Variants in CLCN5 observed in about 807,000 individuals in gnomAD.
The protein encoded by CLCN5 is H(+)/Cl(-) exchange transporter 5.
Under a neutral mutation model 54.0 loss-of-function variants are expected in CLCN5, and 17 were observed. The observed-to-expected ratio is 0.31, with a 90% CI of 0.22 to 0.47. The LOEUF is 0.47. Ranked by LOEUF, CLCN5 falls within the 20% of genes least tolerant of loss-of-function variation. The probability of loss-of-function intolerance (pLI) is 1.00; values close to 1 mark genes in which losing one functional copy is unlikely to be tolerated. For synonymous variants in CLCN5, 222 were observed against 233.0 expected, an observed-to-expected ratio of 0.95 and a Z score of 0.43; for missense variants, 448 against 646.7, an observed-to-expected ratio of 0.69 and a Z score of 3.33.
Position 50,085,971 on chromosome X carries a change from G to C in CLCN5, c.934-9G>C. 8.4e-7 allele frequency: 1 copy of C among 1,197,157 alleles called. No individual in the cohort carries two copies. The highest frequency in any genetic ancestry group is 1.1e-6 in the Non-Finnish European group (1 of 882,172). On this transcript the variant is annotated splice_polypyrimidine_tract_variant and intron_variant, in intron 9 of 14. Coordinates refer to ENST00000376091, the MANE Select transcript of CLCN5 (RefSeq NM_001127898.4). Reference sequence around the variant, plus strand: ...TATTCTGTCACTAATTCTGAGTTTTGGATTTTAGGTCTTGTCGGCTGCAGC... The same window carrying C: ...TATTCTGTCACTAATTCTGAGTTTTCGATTTTAGGTCTTGTCGGCTGCAGC...
chrX:49,960,571 G>A (rs1185574014), intron 3 of CLCN5, among the ~76,000 whole-genome samples: 1 of 108,655 alleles, frequency 9.2e-6, no homozygotes, highest in Non-Finnish European at 1.9e-5. Flanking sequence ...AGAGCCCATT[G>A]GTCACAAACT....
intron 3 of CLCN5, among the ~76,000 whole-genome samples, chrX:49,955,129 A>G (rs782452893): frequency 1.2e-3 from 136 of 111,670 alleles, no homozygotes; most frequent in African/African-American, 4.3e-3. Context: ...AAATAAGAGA[A>G]TCCTACCCAC....
rs1934306268 is a variant in CLCN5 at position 50,097,714 on chromosome X, G to A, written c.*5495G>A. 9.0e-6 allele frequency: 1 copy of A among 111,188 alleles called. No homozygotes were observed. Among genetic ancestry groups the A allele is most frequent in the East Asian group, 2.8e-4 (1 of 3,542 alleles). The allele number at this position is 111,188 out of a possible 1,213,427, so 9.2% of individuals were successfully genotyped here. A position where few individuals can be genotyped will look rare whatever the true frequency, so the allele number is the denominator to read the frequency against. On this transcript the variant is annotated 3_prime_UTR_variant, in exon 15 of 15. Transcript: ENST00000376091. The stretch of plus-strand genomic sequence containing the variant: ...GAATGTGGACTTTGTGGGAGGGAGA[G>A]GATTGTTCTGAGAACAGAAACTGGA...
At chrX:50,063,037 A>G (rs1255578812) in intron 4 of CLCN5, among the ~76,000 whole-genome samples, 3 of 110,718 alleles carry the variant, frequency 2.7e-5, no homozygotes, top group Admixed American at 1.9e-4. Flanking sequence ...ATAGCACTAA[A>G]TGCGCACAAG....
At chrX:50,044,011 C>G (rs1349224427) in intron 4 of CLCN5, among the ~76,000 whole-genome samples, 2 of 111,657 alleles carry the variant, frequency 1.8e-5, no homozygotes, top group Non-Finnish European at 3.8e-5. Context: ...TGGGAATTAG[C>G]AAGGCTTGAA....
At chrX:49,926,439 A>G (rs1358379806) in intron 3 of CLCN5, among the ~76,000 whole-genome samples, 1 of 112,732 alleles carries the variant, frequency 8.9e-6, no homozygotes, top group Non-Finnish European at 1.9e-5. Flanking sequence ...ATACAAACAA[A>G]TAATTTTGCC....
At chrX:49,956,471 TA>T (rs1304707559) in intron 3 of CLCN5, among the ~76,000 whole-genome samples, 1 of 112,508 alleles carries the variant, frequency 8.9e-6, no homozygotes, top group Non-Finnish European at 1.9e-5. Context: ...TAATGTCTAC[TA>T]GCCTATTGTT....
intron 3 of CLCN5, among the ~76,000 whole-genome samples, chrX:49,965,863 TGTG>T (rs202128904): frequency 0.073 from 8,223 of 111,900 alleles, 752 homozygotes; most frequent in African/African-American, 0.26. Context: ...CTCTATCTAT[TGTG>T]GTGATCATAT....
chrX:50,090,918 T>G, intron 14 of CLCN5, 32 bp downstream of exon 14: 1 of 1,106,422 alleles, frequency 9.0e-7, no homozygotes. Context: ...CAAATTGAAT[T>G]GTGGGAGAAA....
intron 3 of CLCN5, among the ~76,000 whole-genome samples, chrX:49,930,647 A>G (rs1327036620): frequency 9.0e-6 from 1 of 111,619 alleles, no homozygotes; most frequent in Non-Finnish European, 1.9e-5. Flanking sequence ...GAAGACCCCA[A>G]GTATACTAAA....
At position 49,969,262 on chromosome X, in the gene CLCN5, G is replaced by T. The variant is rs539393582; in HGVS notation, c.16+43948G>T. Among the ~76,000 whole-genome samples the T allele has an allele frequency of 2.7e-5, 3 of 111,355 alleles. No homozygotes were observed. In the Admixed American group the frequency reaches 2.9e-4, roughly 11 times the overall value. ...CCAACTAATTTTTGTACTTTTAGTA[G>T]AGACAGGGTTTTGCCATGTTGGCCA... is the stretch of plus-strand genomic sequence containing the variant. On this transcript the variant is annotated intron_variant, in intron 3 of 14. Transcript: ENST00000376091.
chrX:50,058,622 C>T (rs1220689957), intron 4 of CLCN5, among the ~76,000 whole-genome samples: 2 of 111,220 alleles, frequency 1.8e-5, no homozygotes, highest in African/African-American at 3.3e-5. Context: ...AACGGGAAAG[C>T]TGTTTCAATG....
At chrX:50,057,881 T>A (rs1034679952) in intron 4 of CLCN5, among the ~76,000 whole-genome samples, 1 of 110,458 alleles carries the variant, frequency 9.1e-6, no homozygotes, top group Admixed American at 9.6e-5. Flanking sequence ...TGAAATGGGA[T>A]GTGAAAGAGT....
chrX:50,044,200 TTTA>T (rs781845752), intron 4 of CLCN5, among the ~76,000 whole-genome samples: 5 of 111,783 alleles, frequency 4.5e-5, no homozygotes, highest in Non-Finnish European at 9.4e-5. Flanking sequence ...GTATCATTAT[TTTA>T]TTATTATTAT....
chrX:49,951,418 A>G (rs944581087), intron 3 of CLCN5, among the ~76,000 whole-genome samples: 1 of 112,207 alleles, frequency 8.9e-6, no homozygotes, highest in Non-Finnish European at 1.9e-5. Context: ...TTTTAAACTT[A>G]GGTACATTCT....
intron 3 of CLCN5, among the ~76,000 whole-genome samples, chrX:49,997,934 T>C (rs1189511595): frequency 9.0e-6 from 1 of 111,658 alleles, no homozygotes; most frequent in African/African-American, 3.3e-5. Context: ...TCACTACTCT[T>C]TAGCAGTTCC....
At position 50,091,980 on chromosome X, in the gene CLCN5, A is replaced by G. The variant is rs186597232; in HGVS notation, c.2361-149A>G. The G allele has an allele frequency of 2.5e-3, 1,217 of 492,692 alleles. 3 individuals carry two copies. Among genetic ancestry groups the G allele is most frequent in the Middle Eastern group, 0.011 (21 of 1,888 alleles). The allele number at this position is 492,692 out of a possible 1,213,427, so 40.6% of individuals were successfully genotyped here. On this transcript the variant is annotated intron_variant, in intron 14 of 14. Transcript: ENST00000376091. The stretch of plus-strand genomic sequence containing the variant: ...ACATCATCCTATTTGCCTGGGGCAC[A>G]TGTCCTACTCCTGTGATCTCATACT...
rs1342505595 is a variant in CLCN5, at chrX:49,965,875, A to G, written c.16+40561A>G. 3.6e-5 allele frequency among the ~76,000 whole-genome samples: 4 copies of G among 112,017 alleles called. No homozygotes were observed. In the Admixed American group the frequency reaches 3.8e-4, roughly 11 times the overall value. On this transcript the variant is annotated intron_variant, in intron 3 of 14. Coordinates refer to ENST00000376091, the MANE Select transcript of CLCN5 (RefSeq NM_001127898.4). ...TTTCTCTATCTATTGTGGTGATCAT[A>G]TGGTTTAATAGTCTTTTAATATGGC...
At chrX:49,961,880 A>G (rs1229993977) in intron 3 of CLCN5, among the ~76,000 whole-genome samples, 1 of 111,911 alleles carries the variant, frequency 8.9e-6, no homozygotes, top group Non-Finnish European at 1.9e-5. Context: ...AATTTTCTCC[A>G]TCCCTGGCCA....
Sources: allele counts gnomAD v4.1 joint callset (sites outside exome capture counted in the v4.1 genomes callset), GRCh38; gene constraint gnomAD v4.1.1; transcripts MANE v1.5; gene names NCBI Gene and HGNC (gene_info 2026-07-23, HGNC 2026-07-21).